FMNL3: variants seen among roughly 807,000 people sequenced by gnomAD.
The protein encoded by FMNL3 is formin-like protein 3.
Under a neutral mutation model 119.6 loss-of-function variants are expected in FMNL3, and 57 were observed. That is an observed-to-expected ratio of 0.48 (90% CI 0.39 to 0.59). The LOEUF (loss-of-function observed/expected upper bound fraction) is 0.59. Among genes scored for constraint, FMNL3 ranks in the 20% least tolerant of loss-of-function variants. The pLI is 0.00. For missense variants in FMNL3, 1,053 were observed against 1,323.5 expected, an observed-to-expected ratio of 0.80 and a Z score of 3.17; for synonymous variants, 491 against 507.3, an observed-to-expected ratio of 0.97 and a Z score of 0.43.
At chr12:49,690,668 T>G (rs1314295608) in intron 1 of FMNL3, among the ~76,000 whole-genome samples, 1 of 152,172 alleles carries the variant, frequency 6.6e-6, no homozygotes, top group African/African-American at 2.4e-5. Context: ...CCACACCTCT[T>G]AGCAAAGGAG....
chr12:49,642,146 C>G lies in FMNL3; in HGVS notation c.*3669G>C. The G allele has an allele frequency of 6.2e-7, 1 of 1,607,926 alleles. No homozygotes were observed. The highest frequency in any genetic ancestry group is 8.5e-7 in the Non-Finnish European group (1 of 1,175,926). ...AGGGGATGGTGGTAGAAGCCCAGAC[C>G]CTAACTTTCCACCTCCTAAGGTATG... On this transcript the variant is annotated 3_prime_UTR_variant, in exon 26 of 26. Coordinates refer to ENST00000335154, the MANE Select transcript of FMNL3 (RefSeq NM_175736.5). The surrounding 1 kb of genome is among the most constrained non-coding windows in gnomAD (Gnocchi z 5.8).
chr12:49,660,096 C>G (rs567609277), intron 5 of FMNL3: 8 of 250,848 alleles, frequency 3.2e-5, no homozygotes, highest in African/African-American at 1.8e-4. Flanking sequence ...AGGGAAACAG[C>G]TTGCTGATTC....
At chr12:49,672,226 C>T (rs1364682134) in intron 1 of FMNL3, among the ~76,000 whole-genome samples, 2 of 152,124 alleles carry the variant, frequency 1.3e-5, no homozygotes, top group African/African-American at 4.8e-5. Context: ...TCCATTATCC[C>T]TTCACTGATC....
At chr12:49,660,469 G>C (rs1344916404) in intron 5 of FMNL3, among the ~76,000 whole-genome samples, 1 of 152,074 alleles carries the variant, frequency 6.6e-6, no homozygotes, top group Non-Finnish European at 1.5e-5. Context: ...ATTTTTTTTA[G>C]GAGATAAGAG....
At position 49,704,770 on chromosome 12, in the gene FMNL3, T is replaced by C. The variant is rs370109932; in HGVS notation, c.126+2285A>G. ...TCTATAATCTATATTGAGTACTTAC[T>C]GGGTGCCAAGCACCTTATATACAGG... On this transcript the variant is annotated intron_variant, in intron 1 of 25. Coordinates refer to ENST00000335154, the MANE Select transcript of FMNL3 (RefSeq NM_175736.5). Among the ~76,000 whole-genome samples, 10 of 150,654 alleles carry C rather than the reference T, an allele frequency of 6.6e-5. No individual in the cohort carries two copies. In the East Asian group the frequency reaches 1.9e-3, roughly 29 times the overall value.
intron 1 of FMNL3, among the ~76,000 whole-genome samples, chr12:49,704,529 G>A (rs1944991346): frequency 6.6e-6 from 1 of 151,916 alleles, no homozygotes; most frequent in African/African-American, 2.4e-5. Context: ...TGGCCAACAT[G>A]GCGAAACCCC....
chr12:49,674,709 C>T (rs554682241), intron 1 of FMNL3, among the ~76,000 whole-genome samples: 1 of 152,364 alleles, frequency 6.6e-6, no homozygotes, highest in South Asian at 2.1e-4. Flanking sequence ...GAAGCTACCA[C>T]TCTGGTGATG....
intron 5 of FMNL3, among the ~76,000 whole-genome samples, chr12:49,660,760 C>T (rs1214813934): frequency 1.3e-5 from 2 of 152,270 alleles, no homozygotes; most frequent in African/African-American, 4.8e-5. Flanking sequence ...GAGTTCGAGG[C>T]CAGCCTGGGC....
intron 1 of FMNL3, among the ~76,000 whole-genome samples, chr12:49,683,614 C>T (rs577390291): frequency 5.9e-5 from 9 of 152,214 alleles, no homozygotes; most frequent in African/African-American, 2.2e-4. Context: ...GTTTAGGCTC[C>T]CATCATCACC....
chr12:49,674,949 T>C (rs1424166737), intron 1 of FMNL3, among the ~76,000 whole-genome samples: 1 of 152,210 alleles, frequency 6.6e-6, no homozygotes, highest in Non-Finnish European at 1.5e-5. Flanking sequence ...GCCAGCATCA[T>C]TCAAACAAAG....
chr12:49,680,896 C>T (rs1016816812), intron 1 of FMNL3, among the ~76,000 whole-genome samples: 9 of 152,240 alleles, frequency 5.9e-5, no homozygotes, highest in Admixed American at 2.6e-4. Context: ...CAAACCCAGA[C>T]GTGTGGCCTC....
rs1464985347 is a variant in FMNL3, at chr12:49,654,121, G to T, written c.1071+71C>A. 6 of 1,451,724 alleles carry T rather than the reference G, an allele frequency of 4.1e-6. No individual in the cohort carries two copies. The East Asian group carries it at 1.4e-4, about 34-fold the overall frequency. 89.9% of individuals were successfully genotyped at this position (1,451,724 alleles called of 1,614,324 possible). A position where few individuals can be genotyped will look rare whatever the true frequency, so the allele number is the denominator to read the frequency against. On this transcript the variant is annotated intron_variant, in intron 11 of 25. Coordinates refer to ENST00000335154, the MANE Select transcript of FMNL3 (RefSeq NM_175736.5). ...CATCAAGGATTAGGCACTTATAAAAGAAAAATCATTTGTGATACGGCTAAA... is the reference window on the plus strand; with the variant it reads ...CATCAAGGATTAGGCACTTATAAAATAAAAATCATTTGTGATACGGCTAAA...
intron 6 of FMNL3, among the ~76,000 whole-genome samples, chr12:49,658,027 C>T (rs1366231562): frequency 6.6e-6 from 1 of 151,990 alleles, no homozygotes; most frequent in African/African-American, 2.4e-5. Flanking sequence ...GAGCTGGTCT[C>T]CAAGCAGCTA....
In FMNL3 at chr12:49,647,593, C is replaced by T. The variant is rs1037462652; in HGVS notation, c.2778+110G>A. 26 of 1,071,894 alleles carry T rather than the reference C, an allele frequency of 2.4e-5. No homozygotes were observed. The Middle Eastern group carries it at 4.5e-3, about 185-fold the overall frequency. The allele number at this position is 1,071,894 out of a possible 1,614,324, so 66.4% of individuals were successfully genotyped here. ...TGTCACCAGCTTGCATCGCTCCCTTCCCAGGACTCGGAGGAGGAGTCGGAA... is the reference window on the plus strand; with the variant it reads ...TGTCACCAGCTTGCATCGCTCCCTTTCCAGGACTCGGAGGAGGAGTCGGAA... On this transcript the variant is annotated intron_variant, in intron 23 of 25. Coordinates refer to ENST00000335154, the MANE Select transcript of FMNL3 (RefSeq NM_175736.5). This position sits in a 1 kb window ranked among gnomAD's most constrained non-coding sequence, Gnocchi z 4.9.
Position 49,651,122 on chromosome 12 carries a change from G to A in FMNL3, c.1797+46C>T, listed in dbSNP as rs1019128578. 4 of 1,596,234 alleles carry A rather than the reference G, an allele frequency of 2.5e-6. No homozygotes were observed. In the African/African-American group the frequency reaches 4.0e-5, roughly 16 times the overall value. On this transcript the variant is annotated intron_variant, in intron 16 of 25. Transcript: ENST00000335154. ...CAGAATCTCCTCAAAAGGCAACCAG[G>A]TCCCTAGCCCTCAACCTTAGCCCTC...
intron 5 of FMNL3, 31 bp from the exon 6 acceptor site, chr12:49,658,625 C>T: frequency 1.3e-6 from 2 of 1,570,550 alleles, no homozygotes; most frequent in Admixed American, 1.8e-5. Flanking sequence ...CATGCGCATA[C>T]ACAGGCACAT....
intron 1 of FMNL3, among the ~76,000 whole-genome samples, chr12:49,705,474 C>T (rs897569093): frequency 3.9e-5 from 6 of 152,204 alleles, no homozygotes; most frequent in South Asian, 2.1e-4. Context: ...GGCAGCCTCC[C>T]ACCCAATCCA....
rs944015637 is a variant in FMNL3 at position 49,638,959 on chromosome 12, C to T, written c.*6856G>A. On this transcript the variant is annotated 3_prime_UTR_variant, in exon 26 of 26. Transcript: ENST00000335154. ...TCACGTAGGTGTTGCATTTTAACACCATATTACCTATTTAATATAAATTTA... is the reference window on the plus strand; with the variant it reads ...TCACGTAGGTGTTGCATTTTAACACTATATTACCTATTTAATATAAATTTA... 2.0e-5 allele frequency: 3 copies of T among 152,164 alleles called. No individual in the cohort carries two copies. The highest frequency in any genetic ancestry group is 2.9e-5 in the Non-Finnish European group (2 of 68,032). The allele number at this position is 152,164 out of a possible 1,614,324, so 9.4% of individuals were successfully genotyped here.
intron 1 of FMNL3, among the ~76,000 whole-genome samples, chr12:49,675,719 A>G (rs954408577): frequency 6.6e-6 from 1 of 152,202 alleles, no homozygotes; most frequent in Non-Finnish European, 1.5e-5. Flanking sequence ...CATCCTGCAC[A>G]TGAATGAAAC....
Sources: allele counts gnomAD v4.1 joint callset (sites outside exome capture counted in the v4.1 genomes callset), GRCh38; gene constraint gnomAD v4.1.1; non-coding constraint Gnocchi (gnomAD v3.1); transcripts MANE v1.5; gene names NCBI Gene and HGNC (gene_info 2026-07-23, HGNC 2026-07-21).